The following CLECL1 variants were observed in gnomAD, a reference collection of about 807,000 sequenced individuals.
CLECL1 encodes the protein C-type lectin like 1.
chr12:9,718,068 C>T (rs1866259231), downstream of CLECL1, among the ~76,000 whole-genome samples: 1 of 152,056 alleles, frequency 6.6e-6, no homozygotes. Flanking sequence ...TTGGCCTATA[C>T]ATTATTTAAA....
downstream of CLECL1, among the ~76,000 whole-genome samples, chr12:9,714,348 G>A (rs559434024): frequency 3.3e-5 from 5 of 152,204 alleles, no homozygotes; most frequent in Non-Finnish European, 7.4e-5. Context: ...TGGGCAGTAA[G>A]AAGAAAGATG....
chr12:9,722,952 C>T, intron 3 of CLECL1, 139 bp from the exon 2 acceptor site: 1 of 543,132 alleles, frequency 1.8e-6, no homozygotes, highest in Non-Finnish European at 3.1e-6. Context: ...TTCCAGGGTA[C>T]ATTTGAAAAA....
At chr12:9,732,879 A>C in intron 1 of CLECL1, 70 bp downstream of exon 1, 2 of 1,272,234 alleles carry the variant, frequency 1.6e-6, no homozygotes, top group Non-Finnish European at 2.2e-6. Flanking sequence ...GCAATTAGAT[A>C]CATAAGAAAG....
chr12:9,703,778 AACT>A, the CLECL1 span, among the ~76,000 whole-genome samples: 7 of 152,118 alleles, frequency 4.6e-5, no homozygotes, highest in Non-Finnish European at 1.5e-5. Context: ...TTTGTCTTAA[AACT>A]GGAATATCCT....
chr12:9,721,798 T>A (rs10772079), downstream of CLECL1, among the ~76,000 whole-genome samples: 47,728 of 152,150 alleles, frequency 0.31, 7,884 homozygotes, highest in South Asian at 0.47. Flanking sequence ...AATTCCATCC[T>A]TGATTTGGCT....
the CLECL1 span, among the ~76,000 whole-genome samples, chr12:9,709,831 G>T: frequency 1.3e-5 from 2 of 152,172 alleles, no homozygotes; most frequent in Non-Finnish European, 2.9e-5. Flanking sequence ...TCAGGAGGAA[G>T]TTGCAGAAAC....
chr12:9,729,778 T>C (rs1034355774), intron 1 of CLECL1, among the ~76,000 whole-genome samples: 1 of 151,880 alleles, frequency 6.6e-6, no homozygotes, highest in East Asian at 1.9e-4. Flanking sequence ...ATCATGTTCC[T>C]GAGTTACTTT....
downstream of CLECL1, among the ~76,000 whole-genome samples, chr12:9,721,326 T>C (rs1045730509): frequency 1.3e-5 from 2 of 152,240 alleles, no homozygotes; most frequent in Non-Finnish European, 2.9e-5. Context: ...ATATTTTATC[T>C]GTTTTTTACT....
chr12:9,729,831 C>G (rs965918787), intron 1 of CLECL1, among the ~76,000 whole-genome samples: 3 of 151,564 alleles, frequency 2.0e-5, no homozygotes, highest in Non-Finnish European at 2.9e-5. Context: ...TTTTTCCACA[C>G]AAAACACACA....
rs114587457 is a variant in CLECL1, at chr12:9,730,299, A to C, written n.83-623T>G. 5.0e-3 allele frequency among the ~76,000 whole-genome samples: 757 copies of C among 152,296 alleles called. 12 individuals are homozygous for C. The highest frequency in any genetic ancestry group is 0.017 in the African/African-American group (710 of 41,548). On this transcript the variant is annotated intron_variant and non_coding_transcript_variant, in intron 1 of 3. Transcript: ENST00000621400. ...TACTCAAAAGATAATAAATAAACCA[A>C]ATAAAAGAAGTTGTACTTTTAGCTT...
the CLECL1 span, among the ~76,000 whole-genome samples, chr12:9,707,536 C>G: frequency 2.6e-5 from 4 of 152,212 alleles, no homozygotes; most frequent in East Asian, 7.7e-4. Context: ...TCCACTTCTG[C>G]CCTACTGCCA....
rs146149299 is a variant in CLECL1 at position 9,716,525 on chromosome 12, T to C, written n.404A>G. On this transcript the variant is annotated non_coding_transcript_exon_variant, in exon 3 of 3. Coordinates refer to the CLECL1 transcript ENST00000540988. ...TTTATCTCCAGATAATTCTATTGAT[T>C]GGTCTTGAATTTCCCAATAACCTGG... is the stretch of plus-strand genomic sequence containing the variant. The C allele has an allele frequency of 2.9e-3, 664 of 226,006 alleles. 2 individuals are homozygous for C. Among genetic ancestry groups the C allele is most frequent in the Middle Eastern group, 0.019 (12 of 624 alleles). The allele number at this position is 226,006 out of a possible 1,614,324, so 14.0% of individuals were successfully genotyped here. A position where few individuals can be genotyped will look rare whatever the true frequency, so the allele number is the denominator to read the frequency against.
chr12:9,713,745 G>GT (rs1249282600), downstream of CLECL1, among the ~76,000 whole-genome samples: 1 of 152,166 alleles, frequency 6.6e-6, no homozygotes, highest in East Asian at 1.9e-4. Context: ...TAGCGACAAA[G>GT]TTTTTTACCA....
At chr12:9,733,069 T>C (rs1233285340), upstream of CLECL1, 1 of 1,613,744 alleles carries the variant, frequency 6.2e-7, no homozygotes, top group Non-Finnish European at 8.5e-7. Context: ...ACAAATGATG[T>C]CCCACTGAAG....
chr12:9,713,527 GT>G (rs933601388), downstream of CLECL1, among the ~76,000 whole-genome samples: 25 of 152,164 alleles, frequency 1.6e-4, no homozygotes, highest in Non-Finnish European at 2.8e-4. Flanking sequence ...CTTTCTTGTT[GT>G]TTTTTTCTTA....
chr12:9,709,952 A>C, the CLECL1 span, among the ~76,000 whole-genome samples: 44,289 of 152,022 alleles, frequency 0.29, 6,921 homozygotes, highest in Middle Eastern at 0.43. Flanking sequence ...GCAAAAGAGC[A>C]AAAGCTTTAA....
At chr12:9,718,836 C>T, downstream of CLECL1, 3 of 671,406 alleles carry the variant, frequency 4.5e-6, no homozygotes, top group Non-Finnish European at 8.0e-6. Flanking sequence ...TGATCTTGGA[C>T]TTCTAGGCTT....
At chr12:9,709,484 C>G in the CLECL1 span, 1 of 152,238 alleles carries the variant, frequency 6.6e-6, no homozygotes, top group Non-Finnish European at 1.5e-5. Flanking sequence ...AGGATATTGA[C>G]AGGTTTTCAG....
At chr12:9,718,699 T>G, downstream of CLECL1, 1 of 699,458 alleles carries the variant, frequency 1.4e-6, no homozygotes, top group South Asian at 1.5e-5. Flanking sequence ...AAGAAGAAAT[T>G]TGGATACACA....
Sources: gnomAD v4.1 joint callset for allele counts (sites outside exome capture counted in the v4.1 genomes callset) on GRCh38, gnomAD v4.1.1 for gene constraint, MANE v1.5 for transcripts, NCBI Gene and HGNC (gene_info 2026-07-23, HGNC 2026-07-21) for gene names.